The following POTEE variants were observed in gnomAD, a reference collection of about 807,000 sequenced individuals.
The protein encoded by POTEE is POTE ankyrin domain family member E, also known as ANKRD26-like family C member 1A.
Under a neutral mutation model 74.2 loss-of-function variants are expected in POTEE, and 21 were observed. The ratio of observed to expected loss-of-function variants is 0.28; its 90% CI spans 0.20 to 0.41. The LOEUF is 0.41. POTEE is among the 10% of genes least tolerant of loss of function. The pLI, the probability that POTEE is intolerant of heterozygous loss-of-function variation, is 1.00. For synonymous variants in POTEE, 211 were observed against 432.8 expected (o/e 0.49, Z 6.36); for missense variants, 525 against 1,158.6 (o/e 0.45, Z 7.94).
chr2:131,235,129 C>T (rs1250226250), intron 9 of POTEE, among the ~76,000 whole-genome samples: 7 of 146,796 alleles, frequency 4.8e-5, no homozygotes, highest in African/African-American at 1.8e-4. Flanking sequence ...TGCCGTCACC[C>T]TTTCCTGCCC....
At chr2:131,221,345 G>A (rs978378165) in intron 4 of POTEE, among the ~76,000 whole-genome samples, 4 of 152,136 alleles carry the variant, frequency 2.6e-5, no homozygotes, top group African/African-American at 7.2e-5. Context: ...GCTATAACAA[G>A]TGAGAAAAAA....
Position 131,218,792 on chromosome 2 carries a change from G to A in POTEE, c.390G>A (p.Glu130=). 1 of 1,612,740 alleles carries A rather than the reference G, an allele frequency of 6.2e-7. No individual in the cohort carries two copies. ...ACTACGATGACAGCGCCTTCATGGA[G>A]CCCAGGTACCACGTCCGTGGAGAAG... ...WGDYDDSAFM[E]PRYHVRGEDL... is the part of the protein sequence containing the mutation. Residue 130 remains glutamate (E), a synonymous_variant, in exon 4 of 18, where the codon GAG becomes GAA. Coordinates refer to ENST00000683005, the MANE Select transcript of POTEE (RefSeq NM_001083538.3).
Position 131,218,503 on chromosome 2 carries a change from G to T in POTEE, c.101G>T (p.Cys34Phe). The T allele has an allele frequency of 6.2e-7, 1 of 1,612,760 alleles. No homozygotes were observed. Among genetic ancestry groups the T allele is most frequent in the Non-Finnish European group, 8.5e-7 (1 of 1,179,868 alleles). Residue 34 changes from cysteine (C) to phenylalanine (F), a missense_variant, in exon 4 of 18, where the codon TGC becomes TTC. Transcript: ENST00000683005. ...AAGTGGTGCTGCCGTTGCTTCCCCTGCTACAGGGAGAGCGGCAAGAGCAAC... is the reference window on the plus strand; with the variant it reads ...AAGTGGTGCTGCCGTTGCTTCCCCTTCTACAGGGAGAGCGGCAAGAGCAAC... Reference protein sequence around the residue: ...MGKWCCRCFPCYRESGKSNVG... With the variant: ...MGKWCCRCFPFYRESGKSNVG...
chr2:131,222,325 G>T (rs1700645301), intron 4 of POTEE, among the ~76,000 whole-genome samples: 1 of 152,374 alleles, frequency 6.6e-6, no homozygotes, highest in East Asian at 1.9e-4. Context: ...ACCAAATACT[G>T]CATGTTCTTA....
chr2:131,215,241 G>T (rs1382659321), intron 2 of POTEE, among the ~76,000 whole-genome samples: 8 of 152,062 alleles, frequency 5.3e-5, no homozygotes, highest in Admixed American at 3.9e-4. Context: ...ATATGTTTTT[G>T]ATTCCTTTTT....
At chr2:131,262,702 A>G (rs1347963826) in intron 17 of POTEE, among the ~76,000 whole-genome samples, 1 of 152,198 alleles carries the variant, frequency 6.6e-6, no homozygotes, top group Non-Finnish European at 1.5e-5. Flanking sequence ...GCGATCTTAA[A>G]TGAGTTCAGT....
Position 131,228,003 on chromosome 2 carries a change from T to G in POTEE, c.918-241T>G, listed in dbSNP as rs1260500138. ...CATTGTTTCTTGCCCATCAAAGGAC[T>G]TTAAATTAGTAGCTTCTGCTATGCA... On this transcript the variant is annotated intron_variant, in intron 7 of 17. Coordinates refer to ENST00000683005, the MANE Select transcript of POTEE (RefSeq NM_001083538.3). 1.7e-4 allele frequency among the ~76,000 whole-genome samples: 25 copies of G among 150,638 alleles called. No homozygotes were observed. The South Asian group carries it at 3.8e-3, about 23-fold the overall frequency.
chr2:131,225,625 G>A (rs1054153313), intron 6 of POTEE, among the ~76,000 whole-genome samples: 2 of 148,426 alleles, frequency 1.3e-5, no homozygotes, highest in African/African-American at 5.0e-5. Flanking sequence ...GGAATGCAGT[G>A]GTGTGATCAC....
At chr2:131,231,851 C>A (rs1700971570) in intron 9 of POTEE, among the ~76,000 whole-genome samples, 1 of 152,100 alleles carries the variant, frequency 6.6e-6, no homozygotes, top group South Asian at 2.1e-4. Context: ...CATTTATAGT[C>A]CAAACTGTAT....
At chr2:131,256,953 AT>A (rs1450007293) in intron 16 of POTEE, among the ~76,000 whole-genome samples, 2 of 152,304 alleles carry the variant, frequency 1.3e-5, no homozygotes, top group African/African-American at 2.4e-5. Flanking sequence ...GTGATTTATC[AT>A]CTTTAACTTC....
chr2:131,220,741 C>A (rs1273027480), intron 4 of POTEE, among the ~76,000 whole-genome samples: 2 of 151,832 alleles, frequency 1.3e-5, no homozygotes, highest in Admixed American at 1.3e-4. Context: ...GCAGGTGGAT[C>A]ATGAAGTCAG....
chr2:131,256,710 GA>G (rs1701582436), intron 16 of POTEE, among the ~76,000 whole-genome samples: 1 of 136,192 alleles, frequency 7.3e-6, no homozygotes, highest in South Asian at 2.7e-4. Context: ...CTAAGAAGAA[GA>G]AAAAGGGTAA....
intron 10 of POTEE, among the ~76,000 whole-genome samples, chr2:131,237,278 A>G (rs1328248468): frequency 2.6e-5 from 4 of 151,768 alleles, no homozygotes; most frequent in African/African-American, 7.3e-5. Flanking sequence ...TTCATGGTTA[A>G]GGAGTAATCA....
chr2:131,224,470 C>T (rs1033296288), intron 6 of POTEE, among the ~76,000 whole-genome samples: 6 of 144,028 alleles, frequency 4.2e-5, no homozygotes, highest in African/African-American at 1.0e-4. Flanking sequence ...GTAATAGATA[C>T]GAGGTGATGC....
At chr2:131,210,773 G>A (rs1700340432) in intron 1 of POTEE, among the ~76,000 whole-genome samples, 1 of 148,450 alleles carries the variant, frequency 6.7e-6, no homozygotes, top group South Asian at 2.2e-4. Flanking sequence ...CTGGGTCTGA[G>A]TTTCTCCTAC....
At position 131,218,812 on chromosome 2, in the gene POTEE, G is replaced by C; in HGVS notation, c.410G>C (p.Gly137Ala). ...AFMEPRYHVR[G>A]EDLDKLHRAA... ...ATGGAGCCCAGGTACCACGTCCGTG[G>C]AGAAGATCTGGACAAGCTCCACAGA... Residue 137 changes from glycine to alanine, a missense_variant, in exon 4 of 18, where the codon GGA (glycine) becomes GCA (alanine). Coordinates refer to ENST00000683005, the MANE Select transcript of POTEE (RefSeq NM_001083538.3). The C allele has an allele frequency of 6.2e-7, 1 of 1,612,722 alleles. No individual in the cohort carries two copies. The highest frequency in any genetic ancestry group is 8.5e-7 in the Non-Finnish European group (1 of 1,179,872).
At chr2:131,236,915 A>AT (rs1294015926) in intron 10 of POTEE, 113 bp downstream of exon 10, 13 of 312,134 alleles carry the variant, frequency 4.2e-5, no homozygotes, top group African/African-American at 9.6e-5. Flanking sequence ...GAATCAATAG[A>AT]TTTTTTAAAG....
At chr2:131,210,179 T>A (rs1700327680) in intron 1 of POTEE, among the ~76,000 whole-genome samples, 2 of 136,484 alleles carry the variant, frequency 1.5e-5, no homozygotes, top group Non-Finnish European at 3.1e-5. Context: ...TGTCGGGTGC[T>A]GCACTGCCCT....
At position 131,211,200 on chromosome 2, in the gene POTEE, G is replaced by A. The variant is rs573690960; in HGVS notation, c.-189+17G>A. ...ACAGGAGTGGTAGGAGGGTGCCCGC[G>A]GGGGCAAGGTGGTAGGAACCTTGTA... On this transcript the variant is annotated intron_variant, in intron 2 of 17. Coordinates refer to ENST00000683005, the MANE Select transcript of POTEE (RefSeq NM_001083538.3). 2.2e-4 allele frequency among the ~76,000 whole-genome samples: 34 copies of A among 152,108 alleles called. No individual in the cohort carries two copies. The highest frequency in any genetic ancestry group is 1.5e-3 in the South Asian group (7 of 4,810).
Sources: allele counts gnomAD v4.1 joint callset (sites outside exome capture counted in the v4.1 genomes callset), GRCh38; gene constraint gnomAD v4.1.1; transcripts MANE v1.5; gene names NCBI Gene and HGNC (gene_info 2026-07-23, HGNC 2026-07-21).